Variants in H4C11 observed in about 807,000 individuals in gnomAD.
The protein encoded by H4C11 is H4 clustered histone 11.
Under a neutral mutation model 4.2 loss-of-function variants are expected in H4C11, and 1 was observed. The ratio of observed to expected loss-of-function variants is 0.24; its 90% CI spans 0.09 to 1.14. The LOEUF (loss-of-function observed/expected upper bound fraction) is 1.14. Ranked by LOEUF, H4C11 falls within the 50% of genes most tolerant of loss-of-function variation. The probability of loss-of-function intolerance (pLI) is 0.52; values close to 1 mark genes in which losing one functional copy is unlikely to be tolerated. For synonymous variants in H4C11, 95 were observed against 66.9 expected (o/e 1.42, Z -2.05); for missense variants, 73 against 157.7 (o/e 0.46, Z 2.88).
chr6:27,824,155 C>T lies in H4C11; in HGVS notation c.31C>T (p.Leu11Phe), dbSNP rs1760791458. The T allele has an allele frequency of 1.3e-6, 2 of 1,521,034 alleles. No homozygotes were observed. The highest frequency in any genetic ancestry group is 1.8e-6 in the Non-Finnish European group (2 of 1,138,714). 94.2% of individuals were successfully genotyped at this position (1,521,034 alleles called of 1,614,324 possible). Residue 11 changes from leucine to phenylalanine, a missense_variant, in exon 1 of 1, where the codon CTT becomes TTT. Leu to Phe is a conservative substitution (Grantham distance 22, BLOSUM62 0). This residue lies in a region of H4C11 where 20 missense variants were observed against 19.9 expected (regional missense o/e 1.00). Coordinates refer to ENST00000355057, the MANE Select transcript of H4C11 (RefSeq NM_021968.4). MSGRGKGGKG[L>F]GKGGAKRHRK... Reference sequence around the variant, plus strand: ...TGGCCGCGGCAAAGGCGGGAAGGGTCTTGGCAAAGGCGGCGCTAAGCGCCA... The same window carrying T: ...TGGCCGCGGCAAAGGCGGGAAGGGTTTTGGCAAAGGCGGCGCTAAGCGCCA...
rs571433614 is a variant in H4C11, at chr6:27,824,468, C to G, written c.*32C>G. On this transcript the variant is annotated 3_prime_UTR_variant, in exon 1 of 1. Transcript: ENST00000355057. ...CTTTCTATCAATAAAAGGCCCTTTT[C>G]AGGGCCACCCTACTTTCTCAGCTGA... The G allele has an allele frequency of 2.5e-6, 4 of 1,601,312 alleles. No individual in the cohort carries two copies. The highest frequency in any genetic ancestry group is 1.1e-5 in the South Asian group (1 of 89,772).
Position 27,824,305 on chromosome 6 carries a change from G to A in H4C11, c.181G>A (p.Val61Met). ...CGAGGAGACTCGCGGGGTGCTGAAG[G>A]TGTTCCTGGAGAACGTGATCCGGGA... is the stretch of plus-strand genomic sequence containing the variant. The part of the protein sequence containing the change: ...IYEETRGVLK[V>M]FLENVIRDAV... Residue 61 changes from valine (V) to methionine (M), a missense_variant, in exon 1 of 1, where the codon GTG (valine) becomes ATG (methionine). By Grantham distance (21) the Val-to-Met change is conservative. Around this residue, in one of 4 missense-constraint regions of H4C11, gnomAD observed 40 missense variants for 78.3 expected, o/e 0.51. Transcript: ENST00000355057. The A allele has an allele frequency of 1.3e-6, 2 of 1,593,648 alleles. No individual in the cohort carries two copies. Among genetic ancestry groups the A allele is most frequent in the Non-Finnish European group, 1.7e-6 (2 of 1,168,426 alleles).
At position 27,824,152 on chromosome 6, in the gene H4C11, G is replaced by C; in HGVS notation, c.28G>C (p.Gly10Arg). Residue 10 changes from glycine (G) to arginine (R), a missense_variant, in exon 1 of 1, where the codon GGT (glycine) becomes CGT (arginine). Coordinates refer to ENST00000355057, the MANE Select transcript of H4C11 (RefSeq NM_021968.4). MSGRGKGGK[G>R]LGKGGAKRHR... ...GTCTGGCCGCGGCAAAGGCGGGAAG[G>C]GTCTTGGCAAAGGCGGCGCTAAGCG... 6.6e-7 allele frequency: 1 copy of C among 1,520,958 alleles called. No homozygotes were observed. The allele number at this position is 1,520,958 out of a possible 1,614,324, so 94.2% of individuals were successfully genotyped here. A position where few individuals can be genotyped will look rare whatever the true frequency, so the allele number is the denominator to read the frequency against.
In H4C11 at chr6:27,824,191, C is replaced by T. The variant is rs780331782; in HGVS notation, c.67C>T (p.Leu23=). ...KGGAKRHRKV[L]RDNIQGITKP... ...CGGCGCTAAGCGCCACCGTAAAGTACTGCGCGACAATATCCAGGGCATCAC... is the reference window on the plus strand; with the variant it reads ...CGGCGCTAAGCGCCACCGTAAAGTATTGCGCGACAATATCCAGGGCATCAC... Residue 23 remains leucine, a synonymous_variant, in exon 1 of 1, where the codon CTG becomes TTG. Coordinates refer to ENST00000355057, the MANE Select transcript of H4C11 (RefSeq NM_021968.4). 7.2e-6 allele frequency: 11 copies of T among 1,526,646 alleles called. No individual in the cohort carries two copies. The Middle Eastern group carries it at 7.3e-4, about 102-fold the overall frequency. 94.6% of individuals were successfully genotyped at this position (1,526,646 alleles called of 1,614,324 possible). A position where few individuals can be genotyped will look rare whatever the true frequency, so the allele number is the denominator to read the frequency against.
In H4C11 at chr6:27,824,298, G is replaced by A. The variant is rs555943018; in HGVS notation, c.174G>A (p.Val58=). 1.9e-5 allele frequency: 30 copies of A among 1,592,722 alleles called. No individual in the cohort carries two copies. The highest frequency in any genetic ancestry group is 2.4e-5 in the Non-Finnish European group (28 of 1,168,108). The change falls in exon 1 of 1, where the codon GTG becomes GTA. Residue 58 remains valine (V), a synonymous_variant. Coordinates refer to ENST00000355057, the MANE Select transcript of H4C11 (RefSeq NM_021968.4). Reference sequence around the variant, plus strand: ...TCATCTACGAGGAGACTCGCGGGGTGCTGAAGGTGTTCCTGGAGAACGTGA... The same window carrying A: ...TCATCTACGAGGAGACTCGCGGGGTACTGAAGGTGTTCCTGGAGAACGTGA... The part of the protein sequence containing the change: ...SGLIYEETRG[V]LKVFLENVIR...
Position 27,824,380 on chromosome 6 carries a change from G to C in H4C11, c.256G>C (p.Asp86His), listed in dbSNP as rs1485123724. 3.2e-6 allele frequency: 5 copies of C among 1,545,434 alleles called. No homozygotes were observed. The highest frequency in any genetic ancestry group is 2.2e-5 in the Admixed American group (1 of 46,216). ...CAAGCGCAAGACGGTCACCGCCATG[G>C]ATGTGGTCTACGCGCTCAAGCGCCA... ...HAKRKTVTAM[D>H]VVYALKRQGR... The change falls in exon 1 of 1, where the codon GAT becomes CAT. Residue 86 changes from aspartate (D) to histidine (H), a missense_variant. Asp to His is a moderately conservative substitution (Grantham distance 81, BLOSUM62 -1). This residue lies in a region of H4C11 where 40 missense variants were observed against 78.3 expected (regional missense o/e 0.51). Transcript: ENST00000355057.
rs1438310973 is a variant in H4C11, at chr6:27,824,470, G to A, written c.*34G>A. ...TTCTATCAATAAAAGGCCCTTTTCA[G>A]GGCCACCCTACTTTCTCAGCTGAAG... On this transcript the variant is annotated 3_prime_UTR_variant, in exon 1 of 1. Coordinates refer to ENST00000355057, the MANE Select transcript of H4C11 (RefSeq NM_021968.4). 2.5e-6 allele frequency: 4 copies of A among 1,601,134 alleles called. No individual in the cohort carries two copies. Among genetic ancestry groups the A allele is most frequent in the Non-Finnish European group, 3.4e-6 (4 of 1,174,772 alleles).
In H4C11 at chr6:27,824,421, C is replaced by T. The variant is rs758670827; in HGVS notation, c.297C>T (p.Tyr99=). The stretch of plus-strand genomic sequence containing the variant: ...TCAAGCGCCAGGGCCGCACCCTCTA[C>T]GGTTTCGGTGGTTGAGCGTCCCTTT... ...YALKRQGRTL[Y]GFGG Residue 99 remains tyrosine, a synonymous_variant, in exon 1 of 1, where the codon TAC becomes TAT. Coordinates refer to ENST00000355057, the MANE Select transcript of H4C11 (RefSeq NM_021968.4). The T allele has an allele frequency of 8.2e-6, 13 of 1,593,760 alleles. No homozygotes were observed. The highest frequency in any genetic ancestry group is 2.7e-5 in the African/African-American group (2 of 73,708).
rs746425377 is a variant in H4C11 at position 27,824,438 on chromosome 6, C to A, written c.*2C>A. The A allele has an allele frequency of 1.2e-6, 2 of 1,606,328 alleles. No homozygotes were observed. Among genetic ancestry groups the A allele is most frequent in the Non-Finnish European group, 1.7e-6 (2 of 1,177,342 alleles). On this transcript the variant is annotated 3_prime_UTR_variant, in exon 1 of 1. Transcript: ENST00000355057. ...ACCCTCTACGGTTTCGGTGGTTGAG[C>A]GTCCCTTTCTATCAATAAAAGGCCC...
At position 27,824,099 on chromosome 6, in the gene H4C11, G is replaced by A. The variant is rs755194281; in HGVS notation, c.-26G>A. ...CCTCAGGCCAGAGGCCTCACAAAGC[G>A]TTGGGTGAGACTCCTCTTGCTCGTC... On this transcript the variant is annotated 5_prime_UTR_variant, in exon 1 of 1. Transcript: ENST00000355057. 31 of 1,537,014 alleles carry A rather than the reference G, an allele frequency of 2.0e-5. 4 individuals carry two copies. In the Admixed American group the frequency reaches 4.4e-4, roughly 22 times the overall value.
chr6:27,824,228 T>C lies in H4C11; in HGVS notation c.104T>C (p.Ile35Thr). 6.4e-7 allele frequency: 1 copy of C among 1,568,986 alleles called. No individual in the cohort carries two copies. The highest frequency in any genetic ancestry group is 1.2e-5 in the South Asian group (1 of 85,414). ...DNIQGITKPA[I>T]RRLARRGGVK... is the part of the protein sequence containing the mutation. ...ATCCAGGGCATCACCAAGCCGGCCA[T>C]CCGGCGCCTTGCTCGCCGCGGCGGC... Residue 35 changes from isoleucine (I) to threonine (T), a missense_variant, in exon 1 of 1, where the codon ATC (isoleucine) becomes ACC (threonine). Around this residue, in one of 4 missense-constraint regions of H4C11, gnomAD observed 13 missense variants for 39.8 expected, o/e 0.33. Coordinates refer to ENST00000355057, the MANE Select transcript of H4C11 (RefSeq NM_021968.4).
Position 27,824,459 on chromosome 6 carries a change from G to A in H4C11, c.*23G>A, listed in dbSNP as rs758191325. On this transcript the variant is annotated 3_prime_UTR_variant, in exon 1 of 1. Transcript: ENST00000355057. Reference sequence around the variant, plus strand: ...TGAGCGTCCCTTTCTATCAATAAAAGGCCCTTTTCAGGGCCACCCTACTTT... The same window carrying A: ...TGAGCGTCCCTTTCTATCAATAAAAAGCCCTTTTCAGGGCCACCCTACTTT... 2.5e-6 allele frequency: 4 copies of A among 1,606,746 alleles called. No individual in the cohort carries two copies. Among genetic ancestry groups the A allele is most frequent in the South Asian group, 2.2e-5 (2 of 90,450 alleles).
In H4C11 at chr6:27,824,461, C is replaced by T. The variant is rs1382430912; in HGVS notation, c.*25C>T. ...AGCGTCCCTTTCTATCAATAAAAGG[C>T]CCTTTTCAGGGCCACCCTACTTTCT... On this transcript the variant is annotated 3_prime_UTR_variant, in exon 1 of 1. Coordinates refer to ENST00000355057, the MANE Select transcript of H4C11 (RefSeq NM_021968.4). The T allele has an allele frequency of 3.7e-6, 6 of 1,606,184 alleles. No individual in the cohort carries two copies. The highest frequency in any genetic ancestry group is 2.2e-5 in the South Asian group (2 of 90,384).
At position 27,824,179 on chromosome 6, in the gene H4C11, C is replaced by T. The variant is rs1401596650; in HGVS notation, c.55C>T (p.His19Tyr). 2 of 1,517,012 alleles carry T rather than the reference C, an allele frequency of 1.3e-6. No individual in the cohort carries two copies. The highest frequency in any genetic ancestry group is 1.8e-6 in the Non-Finnish European group (2 of 1,135,016). The allele number at this position is 1,517,012 out of a possible 1,614,324, so 94.0% of individuals were successfully genotyped here. The stretch of plus-strand genomic sequence containing the variant: ...TCTTGGCAAAGGCGGCGCTAAGCGC[C>T]ACCGTAAAGTACTGCGCGACAATAT... The part of the protein sequence containing the change: ...KGLGKGGAKR[H>Y]RKVLRDNIQG... Residue 19 changes from histidine (H) to tyrosine (Y), a missense_variant, in exon 1 of 1, where the codon CAC becomes TAC. Around this residue, in one of 4 missense-constraint regions of H4C11, gnomAD observed 13 missense variants for 39.8 expected, o/e 0.33. Coordinates refer to ENST00000355057, the MANE Select transcript of H4C11 (RefSeq NM_021968.4).
Position 27,824,136 on chromosome 6 carries a change from C to T in H4C11, c.12C>T (p.Arg4=), listed in dbSNP as rs746204261. The T allele has an allele frequency of 1.3e-5, 20 of 1,538,320 alleles. No homozygotes were observed. Among genetic ancestry groups the T allele is most frequent in the Middle Eastern group, 3.5e-4 (2 of 5,638 alleles). The change falls in exon 1 of 1, where the codon CGC becomes CGT. Residue 4 remains arginine, a synonymous_variant. Transcript: ENST00000355057. ...TCCTCTTGCTCGTCATGTCTGGCCG[C>T]GGCAAAGGCGGGAAGGGTCTTGGCA... MSG[R]GKGGKGLGKG... is the part of the protein sequence containing the mutation.
At position 27,824,319 on chromosome 6, in the gene H4C11, C is replaced by A; in HGVS notation, c.195C>A (p.Asn65Lys). Reference protein sequence around the residue: ...TRGVLKVFLENVIRDAVTYTE... With the variant: ...TRGVLKVFLEKVIRDAVTYTE... Reference sequence around the variant, plus strand: ...GGGTGCTGAAGGTGTTCCTGGAGAACGTGATCCGGGACGCCGTGACCTATA... The same window carrying A: ...GGGTGCTGAAGGTGTTCCTGGAGAAAGTGATCCGGGACGCCGTGACCTATA... Residue 65 changes from asparagine to lysine, a missense_variant, in exon 1 of 1, where the codon AAC becomes AAA. By Grantham distance (94) the Asn-to-Lys change is moderately conservative. Transcript: ENST00000355057. 6.3e-7 allele frequency: 1 copy of A among 1,593,378 alleles called. No homozygotes were observed. The highest frequency in any genetic ancestry group is 2.2e-5 in the East Asian group (1 of 44,582).
chr6:27,824,178 C>A lies in H4C11; in HGVS notation c.54C>A (p.Arg18=). Reference sequence around the variant, plus strand: ...GTCTTGGCAAAGGCGGCGCTAAGCGCCACCGTAAAGTACTGCGCGACAATA... The same window carrying A: ...GTCTTGGCAAAGGCGGCGCTAAGCGACACCGTAAAGTACTGCGCGACAATA... ...GKGLGKGGAK[R]HRKVLRDNIQ... Residue 18 remains arginine, a synonymous_variant, in exon 1 of 1, where the codon CGC becomes CGA. Transcript: ENST00000355057. 2 of 1,517,230 alleles carry A rather than the reference C, an allele frequency of 1.3e-6. No homozygotes were observed. Among genetic ancestry groups the A allele is most frequent in the Non-Finnish European group, 1.8e-6 (2 of 1,135,102 alleles). The allele number at this position is 1,517,230 out of a possible 1,614,324, so 94.0% of individuals were successfully genotyped here.
In H4C11 at chr6:27,824,388, C is replaced by G; in HGVS notation, c.264C>G (p.Val88=). ...AGACGGTCACCGCCATGGATGTGGT[C>G]TACGCGCTCAAGCGCCAGGGCCGCA... is the stretch of plus-strand genomic sequence containing the variant. ...KRKTVTAMDV[V]YALKRQGRTL... The change falls in exon 1 of 1, where the codon GTC becomes GTG. Residue 88 remains valine (V), a synonymous_variant. Transcript: ENST00000355057. 1 of 1,552,720 alleles carries G rather than the reference C, an allele frequency of 6.4e-7. No homozygotes were observed. The highest frequency in any genetic ancestry group is 8.6e-7 in the Non-Finnish European group (1 of 1,157,066).
chr6:27,824,465 T>C lies in H4C11; in HGVS notation c.*29T>C. The C allele has an allele frequency of 1.9e-6, 3 of 1,604,476 alleles. No individual in the cohort carries two copies. The highest frequency in any genetic ancestry group is 1.7e-6 in the Non-Finnish European group (2 of 1,176,154). ...TCCCTTTCTATCAATAAAAGGCCCT[T>C]TTCAGGGCCACCCTACTTTCTCAGC... On this transcript the variant is annotated 3_prime_UTR_variant, in exon 1 of 1. Coordinates refer to ENST00000355057, the MANE Select transcript of H4C11 (RefSeq NM_021968.4).
Sources: allele counts gnomAD v4.1 joint callset, GRCh38; gene constraint gnomAD v4.1.1; regional missense constraint gnomAD v4.1.1; transcripts MANE v1.5; gene names NCBI Gene and HGNC (gene_info 2026-07-23, HGNC 2026-07-21).